AR: variants seen among roughly 807,000 people sequenced by gnomAD.
AR encodes androgen receptor.
AR carries 8 observed loss-of-function variants against 53.9 expected under a neutral mutation model. The observed-to-expected ratio is 0.15, with a 90% CI of 0.09 to 0.27. The LOEUF (loss-of-function observed/expected upper bound fraction) is 0.27. AR is among the 10% of genes least tolerant of loss of function. The pLI, the probability that AR is intolerant of heterozygous loss-of-function variation, is 1.00. For missense variants in AR, 639 were observed against 742.5 expected (o/e 0.86, Z 1.62); for synonymous variants, 359 against 316.4 (o/e 1.13, Z -1.43).
chrX:67,689,671 T>C, intron 3 of AR: 1 of 887,120 alleles, frequency 1.1e-6, no homozygotes, highest in Non-Finnish European at 1.4e-6. Context: ...AGCCTTTCTT[T>C]GTAGATGATT....
At chrX:67,701,821 C>A (rs2076043763) in intron 3 of AR, among the ~76,000 whole-genome samples, 1 of 112,279 alleles carries the variant, frequency 8.9e-6, no homozygotes, top group South Asian at 3.7e-4. Flanking sequence ...TGCTGAAAAT[C>A]TTTAAGCCAC....
At chrX:67,675,820 C>T (rs1276204517) in intron 2 of AR, among the ~76,000 whole-genome samples, 1 of 111,288 alleles carries the variant, frequency 9.0e-6, no homozygotes, top group African/African-American at 3.3e-5. Flanking sequence ...TCAATTTGTG[C>T]CTGCAAGCGG....
intron 1 of AR, among the ~76,000 whole-genome samples, chrX:67,624,647 G>C (rs1924532635): frequency 9.1e-6 from 1 of 109,933 alleles, no homozygotes; most frequent in Non-Finnish European, 1.9e-5. Flanking sequence ...ACAGAATTCA[G>C]CAACAAATAA....
intron 1 of AR, among the ~76,000 whole-genome samples, chrX:67,594,961 A>AAGAG (rs897354505): frequency 9.1e-6 from 1 of 109,376 alleles, no homozygotes; most frequent in Non-Finnish European, 1.9e-5. Flanking sequence ...AGAAAGAAAG[A>AAGAG]AGAGAGAGAG....
intron 2 of AR, among the ~76,000 whole-genome samples, chrX:67,683,609 C>G (rs1046823392): frequency 1.2e-4 from 13 of 112,662 alleles, no homozygotes; most frequent in African/African-American, 2.9e-4. Flanking sequence ...CAGCCCACTG[C>G]TCTTTCTCTC....
intron 2 of AR, among the ~76,000 whole-genome samples, chrX:67,671,077 C>T (rs1377250655): frequency 8.9e-6 from 1 of 111,926 alleles, no homozygotes; most frequent in Non-Finnish European, 1.9e-5. Flanking sequence ...GTGCATTTGT[C>T]TTTATAGAAG....
intron 1 of AR, among the ~76,000 whole-genome samples, chrX:67,634,990 TTCTC>T (rs1369142430): frequency 9.1e-6 from 1 of 109,575 alleles, no homozygotes; most frequent in African/African-American, 3.4e-5. Flanking sequence ...TACCCTTGCC[TTCTC>T]TCTGTCTCTT....
intron 1 of AR, among the ~76,000 whole-genome samples, chrX:67,636,686 A>T (rs12014623): frequency 0.069 from 7,714 of 111,622 alleles, 671 homozygotes; most frequent in African/African-American, 0.24. Flanking sequence ...GTTGGAATTT[A>T]CATTTCCAAA....
intron 3 of AR, among the ~76,000 whole-genome samples, chrX:67,697,531 G>A (rs1290387442): frequency 1.8e-5 from 2 of 111,331 alleles, no homozygotes; most frequent in Non-Finnish European, 3.8e-5. Context: ...GCCCAACATG[G>A]AAGGTTATAC....
intron 5 of AR, among the ~76,000 whole-genome samples, chrX:67,719,830 C>T (rs1374812109): frequency 8.9e-6 from 1 of 111,971 alleles, no homozygotes; most frequent in Non-Finnish European, 1.9e-5. Flanking sequence ...TGCCAGCCTT[C>T]CTAAGGTGCT....
chrX:67,590,331 T>G (rs1490554345), intron 1 of AR, among the ~76,000 whole-genome samples: 1 of 111,819 alleles, frequency 8.9e-6, no homozygotes, highest in Non-Finnish European at 1.9e-5. Flanking sequence ...TTCTTTGCTA[T>G]GATAACAATT....
chrX:67,650,500 T>G (rs966491530), intron 2 of AR, among the ~76,000 whole-genome samples: 1 of 112,182 alleles, frequency 8.9e-6, no homozygotes, highest in Non-Finnish European at 1.9e-5. Context: ...AATTATGTAT[T>G]AATTCTCTGG....
chrX:67,627,335 A>C (rs1196858929), intron 1 of AR, among the ~76,000 whole-genome samples: 1 of 112,001 alleles, frequency 8.9e-6, no homozygotes, highest in Non-Finnish European at 1.9e-5. Context: ...AACTGGCGTG[A>C]GATGATATCT....
intron 2 of AR, among the ~76,000 whole-genome samples, chrX:67,674,942 T>C (rs943734781): frequency 9.0e-6 from 1 of 111,030 alleles, no homozygotes; most frequent in Admixed American, 9.6e-5. Flanking sequence ...CACTCAAAAC[T>C]CCTGGCAAGT....
intron 2 of AR, among the ~76,000 whole-genome samples, chrX:67,675,608 T>C (rs1358346184): frequency 1.8e-5 from 2 of 111,677 alleles, no homozygotes; most frequent in African/African-American, 6.5e-5. Context: ...CCACAGTCAC[T>C]GCAATCTTCC....
chrX:67,580,671 G>C (rs1327789339), intron 1 of AR, among the ~76,000 whole-genome samples: 1 of 111,274 alleles, frequency 9.0e-6, no homozygotes, highest in Non-Finnish European at 1.9e-5. Context: ...GACCACTCTG[G>C]TTTTTTCTTC....
chrX:67,546,699 C>T lies in AR; in HGVS notation c.1553C>T (p.Thr518Ile). 1.7e-6 allele frequency: 2 copies of T among 1,209,295 alleles called. No individual in the cohort carries two copies. The highest frequency in any genetic ancestry group is 3.0e-5 in the East Asian group (1 of 33,775). Residue 518 changes from threonine to isoleucine, a missense_variant, in exon 1 of 8, where the codon ACT (threonine) becomes ATT (isoleucine). Physicochemically the swap from Thr to Ile is moderately conservative, Grantham distance 89. Transcript: ENST00000374690. ...AGCAGAGTGCCCTATCCCAGTCCCA[C>T]TTGTGTCAAAAGCGAAATGGGCCCC... ...MVSRVPYPSP[T>I]CVKSEMGPWM... is the part of the protein sequence containing the mutation.
intron 6 of AR, among the ~76,000 whole-genome samples, 193 bp from the exon 7 acceptor site, chrX:67,722,634 A>G (rs150546551): frequency 0.012 from 1,355 of 111,569 alleles, 14 homozygotes; most frequent in Non-Finnish European, 0.02. Flanking sequence ...GATCGGATCC[A>G]GCTATCCTTT....
intron 2 of AR, among the ~76,000 whole-genome samples, chrX:67,668,895 A>G (rs1283355201): frequency 9.0e-6 from 1 of 111,013 alleles, no homozygotes; most frequent in Non-Finnish European, 1.9e-5. Context: ...TGCAGTAACC[A>G]CTGTAATGTT....
Sources: gnomAD v4.1 joint callset for allele counts (sites outside exome capture counted in the v4.1 genomes callset) on GRCh38, gnomAD v4.1.1 for gene constraint, MANE v1.5 for transcripts, NCBI Gene and HGNC (gene_info 2026-07-23, HGNC 2026-07-21) for gene names.